PREX1: variants seen among roughly 807,000 people sequenced by gnomAD.
The protein encoded by PREX1 is phosphatidylinositol 3,4,5-trisphosphate-dependent Rac exchanger 1 protein.
In PREX1, 41 loss-of-function variants were observed where a neutral mutation model predicts 198.3. The observed-to-expected ratio is 0.21, with a 90% CI of 0.16 to 0.27. PREX1 has a LOEUF of 0.27. PREX1 is among the 10% of genes least tolerant of loss of function. The probability of loss-of-function intolerance (pLI) is 1.00; values close to 1 mark genes in which losing one functional copy is unlikely to be tolerated. For synonymous variants in PREX1, 843 were observed against 887.2 expected, an observed-to-expected ratio of 0.95 and a Z score of 0.89; for missense variants, 1,620 against 2,200.7, an observed-to-expected ratio of 0.74 and a Z score of 5.28.
At chr20:48,778,317 T>C (rs930404576) in intron 1 of PREX1, among the ~76,000 whole-genome samples, 10 of 151,692 alleles carry the variant, frequency 6.6e-5, no homozygotes, top group African/African-American at 2.4e-4. Context: ...CTCATGCCTG[T>C]AATCCCAGCA....
Position 48,684,472 on chromosome 20 carries a change from G to C in PREX1, c.1335-3137C>G, listed in dbSNP as rs765939042. Among the ~76,000 whole-genome samples, 126 of 152,292 alleles carry C rather than the reference G, an allele frequency of 8.3e-4. 1 individual carries two copies. Among genetic ancestry groups the C allele is most frequent in the Non-Finnish European group, 1.9e-4 (13 of 68,006 alleles). On this transcript the variant is annotated intron_variant, in intron 10 of 39. Transcript: ENST00000371941. The surrounding 1 kb of genome is among the most constrained non-coding windows in gnomAD (Gnocchi z 4.2). The stretch of plus-strand genomic sequence containing the variant: ...CACCCTGCACCTGTGCGTACAGGTG[G>C]CCAAGACACCAAGGCCCCTTCCACC...
the PREX1 span, among the ~76,000 whole-genome samples, chr20:48,848,958 G>A: frequency 2.0e-5 from 3 of 151,786 alleles, no homozygotes; most frequent in Non-Finnish European, 2.9e-5. Context: ...GGCTGGTCTC[G>A]AACTCCTGAC....
intron 1 of PREX1, among the ~76,000 whole-genome samples, chr20:48,801,216 C>T (rs765878010): frequency 9.2e-5 from 14 of 152,188 alleles, no homozygotes; most frequent in African/African-American, 3.1e-4. Flanking sequence ...TCATAGGCAG[C>T]GTGGTCTTTT....
At chr20:48,806,840 C>T (rs2090413951) in intron 1 of PREX1, among the ~76,000 whole-genome samples, 1 of 152,188 alleles carries the variant, frequency 6.6e-6, no homozygotes, top group Admixed American at 6.5e-5. Context: ...CAACAGCAGG[C>T]AGAAGGTGAA....
chr20:48,650,183 C>G lies in PREX1; in HGVS notation c.2841G>C (p.Arg947Ser). The change falls in exon 24 of 40, where the codon AGG (arginine) becomes AGC (serine). Residue 947 changes from arginine to serine, a missense_variant. Physicochemically the swap from Arg to Ser is moderately radical, Grantham distance 110. Coordinates refer to ENST00000371941, the MANE Select transcript of PREX1 (RefSeq NM_020820.4). ...YQEFAAQLKS[R>S]VSPPFKQAPL... is the part of the protein sequence containing the mutation. ...GGGCTTGTTTGAAGGGTGGGCTGACCCTGCTCTTCAGTTGGGCTGCAAACT... is the reference window on the plus strand; with the variant it reads ...GGGCTTGTTTGAAGGGTGGGCTGACGCTGCTCTTCAGTTGGGCTGCAAACT... 6.2e-7 allele frequency: 1 copy of G among 1,613,294 alleles called. No individual in the cohort carries two copies. The highest frequency in any genetic ancestry group is 1.3e-5 in the African/African-American group (1 of 75,046).
chr20:48,755,970 C>T (rs1006971793), intron 1 of PREX1, among the ~76,000 whole-genome samples: 2 of 152,156 alleles, frequency 1.3e-5, no homozygotes, highest in African/African-American at 4.8e-5. Context: ...TCTCGCCCAC[C>T]CCATCACCTG....
chr20:48,632,541 C>T lies in PREX1; in HGVS notation c.4366G>A (p.Glu1456Lys), dbSNP rs202182429. ...TGCAGCCTCAGGCTGGCCCCACCCT[C>T]CAGGCGGGAGGGCAGCTTGGAGAAG... Reference protein sequence around the residue: ...YHFSKLPSRLEGGASLRLHTA... With the variant: ...YHFSKLPSRLKGGASLRLHTA... Residue 1456 changes from glutamate to lysine, a missense_variant, in exon 34 of 40, where the codon GAG becomes AAG. Glu to Lys is a moderately conservative substitution (Grantham distance 56). Around this residue, in one of 7 missense-constraint regions of PREX1, gnomAD observed 476 missense variants for 603.4 expected, o/e 0.79. Coordinates refer to ENST00000371941, the MANE Select transcript of PREX1 (RefSeq NM_020820.4). 63 of 1,614,026 alleles carry T rather than the reference C, an allele frequency of 3.9e-5. No individual in the cohort carries two copies. In the East Asian group the frequency reaches 1.2e-3, roughly 31 times the overall value.
At chr20:48,876,225 AC>A in the PREX1 span, among the ~76,000 whole-genome samples, 1 of 152,060 alleles carries the variant, frequency 6.6e-6, no homozygotes, top group Admixed American at 6.6e-5. Flanking sequence ...GCAGGCTCCC[AC>A]CCAAGACTGC....
intron 14 of PREX1, among the ~76,000 whole-genome samples, chr20:48,671,270 G>A (rs2089673338): frequency 6.6e-6 from 1 of 152,212 alleles, no homozygotes; most frequent in East Asian, 1.9e-4. Flanking sequence ...AAGAAAAAAT[G>A]TTCTCCAACA....
In PREX1 at chr20:48,744,942, T is replaced by C. The variant is rs1486382966; in HGVS notation, c.414+83A>G. The C allele has an allele frequency of 4.5e-6, 7 of 1,539,644 alleles. No individual in the cohort carries two copies. In the South Asian group the frequency reaches 4.8e-5, roughly 11 times the overall value. On this transcript the variant is annotated intron_variant, in intron 3 of 39. Coordinates refer to ENST00000371941, the MANE Select transcript of PREX1 (RefSeq NM_020820.4). ...CAGACAGGCCTACAGAGGAAGCTGG[T>C]GAAGGCGGATGGGGCAGGGACCCAG...
chr20:48,776,950 C>A (rs1463753014), intron 1 of PREX1, among the ~76,000 whole-genome samples: 1 of 152,198 alleles, frequency 6.6e-6, no homozygotes, highest in African/African-American at 2.4e-5. Context: ...GACCTCCACT[C>A]CAGGCCCATA....
chr20:48,769,347 G>C (rs1204514018), intron 1 of PREX1, among the ~76,000 whole-genome samples: 18 of 152,160 alleles, frequency 1.2e-4, no homozygotes, highest in Admixed American at 1.2e-3. Context: ...TCCTCTCCAG[G>C]TGTGTGAGAG....
chr20:48,776,039 C>G (rs1024814656), intron 1 of PREX1, among the ~76,000 whole-genome samples: 1 of 152,094 alleles, frequency 6.6e-6, no homozygotes, highest in African/African-American at 2.4e-5. Flanking sequence ...ATCTAACAAG[C>G]AGGGGGAAGA....
At chr20:48,753,655 G>A (rs943092139) in intron 1 of PREX1, among the ~76,000 whole-genome samples, 4 of 152,042 alleles carry the variant, frequency 2.6e-5, no homozygotes, top group Admixed American at 1.3e-4. Context: ...TGTCTAATGC[G>A]GGCTCTTCTC....
chr20:48,668,356 G>C (rs1398703063), intron 14 of PREX1, among the ~76,000 whole-genome samples: 4 of 152,224 alleles, frequency 2.6e-5, no homozygotes. Flanking sequence ...CCTAAGTGCT[G>C]GGAACGGGGC....
rs927254478 is a variant in PREX1 at position 48,636,519 on chromosome 20, C to A, written c.4111G>T (p.Val1371Leu). Residue 1371 changes from valine to leucine, a missense_variant, in exon 32 of 40, where the codon GTG becomes TTG. Val to Leu is a conservative substitution (Grantham distance 32, BLOSUM62 1). Around this residue, in one of 7 missense-constraint regions of PREX1, gnomAD observed 476 missense variants for 603.4 expected, o/e 0.79. Coordinates refer to ENST00000371941, the MANE Select transcript of PREX1 (RefSeq NM_020820.4). Reference sequence around the variant, plus strand: ...TGCAGCAGGACGCCCGTGGCCGCCACCTGCTCCAGCCACTTGCGGCTGGCG... The same window carrying A: ...TGCAGCAGGACGCCCGTGGCCGCCAACTGCTCCAGCCACTTGCGGCTGGCG... ...RDASRKWLEQ[V>L]AATGVLLHCQ... 1.9e-6 allele frequency: 3 copies of A among 1,610,650 alleles called. No homozygotes were observed. The highest frequency in any genetic ancestry group is 3.3e-5 in the Admixed American group (2 of 59,948).
intron 1 of PREX1, among the ~76,000 whole-genome samples, chr20:48,764,479 G>A (rs945780353): frequency 6.6e-6 from 1 of 152,084 alleles, no homozygotes; most frequent in Non-Finnish European, 1.5e-5. Flanking sequence ...ATAATCACAA[G>A]GATCCTTAAA....
At chr20:48,753,665 C>A (rs189999242) in intron 1 of PREX1, among the ~76,000 whole-genome samples, 206 of 152,332 alleles carry the variant, frequency 1.4e-3, no homozygotes, top group African/African-American at 4.7e-3. Flanking sequence ...GGGCTCTTCT[C>A]ACCCCACTGG....
rs371681138 is a variant in PREX1, at chr20:48,636,546, C to T, written c.4084G>A (p.Asp1362Asn). The T allele has an allele frequency of 1.4e-4, 224 of 1,611,314 alleles. No individual in the cohort carries two copies. Among genetic ancestry groups the T allele is most frequent in the Middle Eastern group, 6.6e-4 (4 of 6,074 alleles). The change falls in exon 32 of 40, where the codon GAC becomes AAC. Residue 1362 changes from aspartate to asparagine, a missense_variant. By Grantham distance (23) the Asp-to-Asn change is conservative. Transcript: ENST00000371941. ...TGCTCCAGCCACTTGCGGCTGGCGTCGCGGCTGCTCTCCTCGTACTCGCCA... is the reference window on the plus strand; with the variant it reads ...TGCTCCAGCCACTTGCGGCTGGCGTTGCGGCTGCTCTCCTCGTACTCGCCA... ...NNGEYEESSR[D>N]ASRKWLEQVA...
Sources: allele counts gnomAD v4.1 joint callset (sites outside exome capture counted in the v4.1 genomes callset), GRCh38; gene constraint gnomAD v4.1.1; regional missense constraint gnomAD v4.1.1; non-coding constraint Gnocchi (gnomAD v3.1); transcripts MANE v1.5; gene names NCBI Gene and HGNC (gene_info 2026-07-23, HGNC 2026-07-21).